NCKAP5: variants seen among roughly 807,000 people sequenced by gnomAD.
The protein encoded by NCKAP5 is NCK associated protein 5.
A neutral mutation model predicts 167.0 loss-of-function variants in NCKAP5; 92 were observed. The ratio of observed to expected loss-of-function variants is 0.55; its 90% CI spans 0.47 to 0.66. The LOEUF (loss-of-function observed/expected upper bound fraction) is 0.66, where lower values mean the gene tolerates loss of function less well. NCKAP5 is among the 30% of genes least tolerant of loss of function. NCKAP5 has a pLI of 0.00. For synonymous variants in NCKAP5, 891 were observed against 877.4 expected (o/e 1.02, Z -0.27); for missense variants, 2,378 against 2,315.0 (o/e 1.03, Z -0.56).
At chr2:132,700,265 T>G (rs956796816) in intron 19 of NCKAP5, among the ~76,000 whole-genome samples, 6 of 149,560 alleles carry the variant, frequency 4.0e-5, no homozygotes, top group Non-Finnish European at 7.3e-5. Context: ...TTTCTCCCAT[T>G]CTGTAGGTTG....
intron 5 of NCKAP5, among the ~76,000 whole-genome samples, chr2:133,171,324 G>A (rs1440946997): frequency 6.6e-6 from 1 of 152,182 alleles, no homozygotes; most frequent in Non-Finnish European, 1.5e-5. Context: ...CAACTGAGTA[G>A]AAACGTGGTC....
chr2:133,320,794 C>G (rs1374613584), intron 3 of NCKAP5, among the ~76,000 whole-genome samples: 1 of 152,108 alleles, frequency 6.6e-6, no homozygotes, highest in Non-Finnish European at 1.5e-5. Flanking sequence ...TAGACCACTC[C>G]CATTTGGCCA....
intron 8 of NCKAP5, among the ~76,000 whole-genome samples, chr2:132,891,733 C>T (rs958434826): frequency 2.0e-5 from 3 of 152,136 alleles, no homozygotes; most frequent in Admixed American, 1.3e-4. Context: ...GAAGTCAGCT[C>T]GATAATTTCC....
At chr2:133,526,504 C>T (rs1206797391) in intron 2 of NCKAP5, among the ~76,000 whole-genome samples, 1 of 152,194 alleles carries the variant, frequency 6.6e-6, no homozygotes, top group Non-Finnish European at 1.5e-5. Flanking sequence ...CCCTGGAGGA[C>T]TTGCCTTTAT....
At chr2:133,279,373 C>T (rs1421552361) in intron 4 of NCKAP5, among the ~76,000 whole-genome samples, 1 of 152,082 alleles carries the variant, frequency 6.6e-6, no homozygotes, top group African/African-American at 2.4e-5. Context: ...CTACACCACT[C>T]TCTGCATAGA....
At chr2:133,288,948 A>G (rs893583883) in intron 4 of NCKAP5, among the ~76,000 whole-genome samples, 1 of 152,188 alleles carries the variant, frequency 6.6e-6, no homozygotes, top group African/African-American at 2.4e-5. Context: ...ATAACTGCCG[A>G]AGTCATTTCT....
At chr2:132,969,970 A>G (rs2076784719) in intron 7 of NCKAP5, among the ~76,000 whole-genome samples, 1 of 152,226 alleles carries the variant, frequency 6.6e-6, no homozygotes, top group Non-Finnish European at 1.5e-5. Context: ...ATAAGGTAAC[A>G]TTGAGAAAGA....
intron 3 of NCKAP5, among the ~76,000 whole-genome samples, chr2:133,490,296 C>T (rs1012218008): frequency 3.3e-5 from 5 of 152,096 alleles, no homozygotes; most frequent in African/African-American, 4.8e-5. Context: ...GTAGTTACGG[C>T]GATGCTAGTT....
At chr2:133,169,258 A>G (rs989672617) in intron 5 of NCKAP5, among the ~76,000 whole-genome samples, 1 of 152,218 alleles carries the variant, frequency 6.6e-6, no homozygotes, top group East Asian at 1.9e-4. Flanking sequence ...TTGCCGTTCC[A>G]TTCTAGAATT....
At chr2:133,364,946 T>TCCC (rs1685360637) in intron 3 of NCKAP5, among the ~76,000 whole-genome samples, 1 of 152,004 alleles carries the variant, frequency 6.6e-6, no homozygotes, top group Non-Finnish European at 1.5e-5. Flanking sequence ...AGATGGGGTG[T>TCCC]CACTATATTG....
At chr2:133,159,718 T>C (rs1179711537) in intron 5 of NCKAP5, among the ~76,000 whole-genome samples, 1 of 152,164 alleles carries the variant, frequency 6.6e-6, no homozygotes, top group African/African-American at 2.4e-5. Flanking sequence ...AGTATTTAAA[T>C]TGATTGAATA....
chr2:132,771,669 A>C (rs1020304988), intron 16 of NCKAP5, among the ~76,000 whole-genome samples: 1 of 146,472 alleles, frequency 6.8e-6, no homozygotes, highest in East Asian at 2.0e-4. Context: ...TTTATCTTTG[A>C]TGCTAATTGT....
At chr2:133,126,625 T>C (rs1396104983) in intron 6 of NCKAP5, among the ~76,000 whole-genome samples, 2 of 152,242 alleles carry the variant, frequency 1.3e-5, no homozygotes, top group Non-Finnish European at 2.9e-5. Context: ...GTCTACTGTA[T>C]CCTTCAGTGT....
rs912587790 is a variant in NCKAP5 at position 133,444,051 on chromosome 2, A to AT, written c.69+73406dup. 1.3e-3 allele frequency among the ~76,000 whole-genome samples: 181 copies of AT among 140,288 alleles called. 1 individual carries two copies. The highest frequency in any genetic ancestry group is 3.8e-3 in the African/African-American group (150 of 39,580). 92.0% of individuals were successfully genotyped at this position (140,288 alleles called of 152,430 possible). A position where few individuals can be genotyped will look rare whatever the true frequency, so the allele number is the denominator to read the frequency against. On this transcript the variant is annotated intron_variant, in intron 3 of 19. Coordinates refer to ENST00000409261, the MANE Select transcript of NCKAP5 (RefSeq NM_207363.3). ...ATATTGTTTTTTAAAAAGTCCTTTT[A>AT]TTTTTTTTTCAGTTTGCTGTATTGT...
chr2:133,663,603 G>C, the NCKAP5 span, among the ~76,000 whole-genome samples: 1 of 152,088 alleles, frequency 6.6e-6, no homozygotes, highest in Non-Finnish European at 1.5e-5. Flanking sequence ...TCTTCACCAG[G>C]AGTAGACACC....
chr2:133,063,545 T>C (rs1341117260), intron 6 of NCKAP5, among the ~76,000 whole-genome samples: 3 of 152,246 alleles, frequency 2.0e-5, no homozygotes, highest in Non-Finnish European at 4.4e-5. Context: ...TAAAGCTTTT[T>C]ATGTGACGAA....
chr2:133,330,300 G>A (rs1380364926), intron 3 of NCKAP5, among the ~76,000 whole-genome samples: 24 of 135,940 alleles, frequency 1.8e-4, no homozygotes, highest in Non-Finnish European at 2.6e-4. Context: ...TCACAGGCTG[G>A]TCTCAATCCC....
chr2:133,519,413 C>T (rs1684290668), intron 2 of NCKAP5, among the ~76,000 whole-genome samples: 1 of 152,202 alleles, frequency 6.6e-6, no homozygotes, highest in Non-Finnish European at 1.5e-5. Context: ...GACCACTAGT[C>T]AACTGAAATT....
rs953346752 is a variant in NCKAP5 at position 133,531,507 on chromosome 2, T to C, written c.-61-13920A>G. Reference sequence around the variant, plus strand: ...CTCTTTCTGGTTCTAAATGTGCTTATTTTTTTCTACTGGATTTTTTTACAT... The same window carrying C: ...CTCTTTCTGGTTCTAAATGTGCTTACTTTTTTCTACTGGATTTTTTTACAT... On this transcript the variant is annotated intron_variant, in intron 2 of 19. Coordinates refer to ENST00000409261, the MANE Select transcript of NCKAP5 (RefSeq NM_207363.3). Among the ~76,000 whole-genome samples, 6 of 143,752 alleles carry C rather than the reference T, an allele frequency of 4.2e-5. No homozygotes were observed. In the Admixed American group the frequency reaches 4.2e-4, roughly 10 times the overall value. 94.3% of individuals were successfully genotyped at this position (143,752 alleles called of 152,430 possible). A position where few individuals can be genotyped will look rare whatever the true frequency, so the allele number is the denominator to read the frequency against.
Sources: gnomAD v4.1 joint callset for allele counts (sites outside exome capture counted in the v4.1 genomes callset) on GRCh38, gnomAD v4.1.1 for gene constraint, MANE v1.5 for transcripts, NCBI Gene and HGNC (gene_info 2026-07-23, HGNC 2026-07-21) for gene names.